Variants in MPDZ observed in about 807,000 individuals in gnomAD.
The protein encoded by MPDZ is multiple PDZ domain protein.
In MPDZ, 234 loss-of-function variants were observed where a neutral mutation model predicts 239.1. The observed-to-expected ratio is 0.98, with a 90% CI of 0.88 to 1.09. The LOEUF is 1.09. Ranked by LOEUF, MPDZ falls within the 50% of genes least tolerant of loss-of-function variation. The pLI, the probability that MPDZ is intolerant of heterozygous loss-of-function variation, is 0.00. For missense variants in MPDZ, 3,175 were observed against 2,510.0 expected (o/e 1.26, Z -5.66); for synonymous variants, 1,048 against 881.3 (o/e 1.19, Z -3.35).
intron 6 of MPDZ, 21 bp from the exon 7 acceptor site, chr9:13,221,521 T>C (rs1296030142): frequency 9.4e-6 from 15 of 1,601,154 alleles, no homozygotes; most frequent in African/African-American, 5.4e-5. Context: ...AGCTCATATA[T>C]GAATTTGTAG....
chr9:13,108,347 G>C (rs1388663177), intron 46 of MPDZ, among the ~76,000 whole-genome samples: 2 of 151,918 alleles, frequency 1.3e-5, no homozygotes, highest in Non-Finnish European at 2.9e-5. Flanking sequence ...AGCTAGAATA[G>C]GTATTATATA....
At chr9:13,248,752 G>T (rs927220354) in intron 2 of MPDZ, among the ~76,000 whole-genome samples, 1 of 151,394 alleles carries the variant, frequency 6.6e-6, no homozygotes, top group African/African-American at 2.4e-5. Flanking sequence ...TGGATTACTT[G>T]AGCTCAGGAG....
intron 21 of MPDZ, among the ~76,000 whole-genome samples, chr9:13,173,209 C>T (rs965366054): frequency 6.6e-6 from 1 of 152,058 alleles, no homozygotes; most frequent in South Asian, 2.1e-4. Context: ...GATGGCTACA[C>T]AACAATGTGA....
At chr9:13,173,691 C>T (rs186436925) in intron 21 of MPDZ, among the ~76,000 whole-genome samples, 7 of 148,520 alleles carry the variant, frequency 4.7e-5, no homozygotes, top group Admixed American at 6.7e-5. Flanking sequence ...GGCAACAAAG[C>T]GAAACTCTCT....
intron 31 of MPDZ, 115 bp downstream of exon 31, chr9:13,135,977 C>T: frequency 2.9e-6 from 2 of 692,502 alleles, no homozygotes; most frequent in East Asian, 2.8e-5. Flanking sequence ...AAGGCCAAGG[C>T]TATAACTTAT....
intron 21 of MPDZ, among the ~76,000 whole-genome samples, chr9:13,172,150 T>C (rs1204066586): frequency 6.6e-6 from 1 of 152,208 alleles, no homozygotes; most frequent in East Asian, 1.9e-4. Context: ...AGTAATGTAA[T>C]GTTGTTGCCT....
At chr9:13,118,156 T>C (rs978641009) in intron 39 of MPDZ, among the ~76,000 whole-genome samples, 15 of 152,208 alleles carry the variant, frequency 9.9e-5, no homozygotes, top group Non-Finnish European at 4.4e-5. Context: ...ACTAGATTTT[T>C]AAATGACTGG....
intron 23 of MPDZ, among the ~76,000 whole-genome samples, chr9:13,162,263 CAAAA>C (rs71331527): frequency 8.7e-6 from 1 of 115,250 alleles, no homozygotes. Flanking sequence ...GGCTCTGCCT[CAAAA>C]AAAAAAAAAA....
chr9:13,143,794 G>C (rs1948070367), intron 26 of MPDZ, among the ~76,000 whole-genome samples: 1 of 152,070 alleles, frequency 6.6e-6, no homozygotes, highest in Admixed American at 6.6e-5. Flanking sequence ...AAGGAAACTA[G>C]TTGTCAAACT....
At chr9:13,147,514 G>T in intron 26 of MPDZ, 34 bp downstream of exon 26, 1 of 1,496,356 alleles carries the variant, frequency 6.7e-7, no homozygotes, top group Non-Finnish European at 9.3e-7. Context: ...AACACTGTTT[G>T]GATATGCCTA....
intron 10 of MPDZ, among the ~76,000 whole-genome samples, chr9:13,206,747 T>C (rs569548861): frequency 2.6e-5 from 4 of 152,108 alleles, no homozygotes; most frequent in Non-Finnish European, 5.9e-5. Context: ...TTTGACCATG[T>C]TGGCCAGGAT....
chr9:13,198,247 T>C (rs1057168978), intron 12 of MPDZ, among the ~76,000 whole-genome samples: 3 of 152,170 alleles, frequency 2.0e-5, no homozygotes, highest in Non-Finnish European at 4.4e-5. Context: ...CTCCACATCC[T>C]TGTCAGCATT....
rs578098426 is a variant in MPDZ at position 13,247,815 on chromosome 9, C to G, written c.17-14G>C. The G allele has an allele frequency of 8.2e-6, 13 of 1,582,698 alleles. No homozygotes were observed. The South Asian group carries it at 9.0e-5, about 11-fold the overall frequency. On this transcript the variant is annotated splice_polypyrimidine_tract_variant and intron_variant, in intron 2 of 46. Transcript: ENST00000319217. Reference sequence around the variant, plus strand: ...CCCGATTTTTGTCTATACCAAAGAGCAGCATTTGTCAATAACAGGATTCAA... The same window carrying G: ...CCCGATTTTTGTCTATACCAAAGAGGAGCATTTGTCAATAACAGGATTCAA...
chr9:13,217,072 C>T (rs1003831350), intron 9 of MPDZ, 108 bp downstream of exon 9: 28 of 887,236 alleles, frequency 3.2e-5, no homozygotes, highest in Non-Finnish European at 4.3e-5. Flanking sequence ...AGTTTTCAAC[C>T]AGTTTATCCA....
chr9:13,114,977 T>C (rs1343469664), intron 40 of MPDZ, among the ~76,000 whole-genome samples: 1 of 152,116 alleles, frequency 6.6e-6, no homozygotes, highest in Non-Finnish European at 1.5e-5. Context: ...AATTAGGTAG[T>C]TACCTTTTGA....
chr9:13,133,674 T>C (rs1393155893), intron 32 of MPDZ, 150 bp downstream of exon 32: 6 of 503,362 alleles, frequency 1.2e-5, no homozygotes, highest in Middle Eastern at 3.1e-4. Flanking sequence ...GCAGATAAGT[T>C]TGAGTGGGCC....
intron 24 of MPDZ, among the ~76,000 whole-genome samples, chr9:13,154,434 C>T (rs1949574129): frequency 6.6e-6 from 1 of 152,136 alleles, no homozygotes; most frequent in African/African-American, 2.4e-5. Context: ...ACTGCCTGAG[C>T]TGTGAACTGA....
intron 24 of MPDZ, among the ~76,000 whole-genome samples, chr9:13,156,498 T>C (rs868519186): frequency 1.3e-5 from 2 of 152,166 alleles, no homozygotes; most frequent in Admixed American, 6.6e-5. Context: ...AAAGAGCTTG[T>C]GCAGGGCAAC....
intron 3 of MPDZ, among the ~76,000 whole-genome samples, chr9:13,231,190 A>G (rs1471572614): frequency 6.6e-6 from 1 of 152,162 alleles, no homozygotes; most frequent in Non-Finnish European, 1.5e-5. Flanking sequence ...TAGACTCTAC[A>G]GGCATGCAAT....
Sources: allele counts gnomAD v4.1 joint callset (sites outside exome capture counted in the v4.1 genomes callset), GRCh38; gene constraint gnomAD v4.1.1; transcripts MANE v1.5; gene names NCBI Gene and HGNC (gene_info 2026-07-23, HGNC 2026-07-21).